PROS1: variants seen among roughly 807,000 people sequenced by gnomAD.
PROS1 encodes protein S.
Under a neutral mutation model 75.9 loss-of-function variants are expected in PROS1, and 29 were observed. The observed-to-expected ratio is 0.38, with a 90% CI of 0.28 to 0.52. The LOEUF (loss-of-function observed/expected upper bound fraction) is 0.52. PROS1 is among the 20% of genes least tolerant of loss of function. The probability of loss-of-function intolerance (pLI) is 0.83; values close to 1 mark genes in which losing one functional copy is unlikely to be tolerated. For missense variants in PROS1, 680 were observed against 810.3 expected, an observed-to-expected ratio of 0.84 and a Z score of 1.95; for synonymous variants, 245 against 280.6, an observed-to-expected ratio of 0.87 and a Z score of 1.27.
In PROS1 at chr3:93,874,265, T is replaced by G. The variant is rs780019458; in HGVS notation, c.2011A>C (p.Lys671Gln). ...IRAHSCPSVW[K>Q]KTKNS The stretch of plus-strand genomic sequence containing the variant: ...ATGCCTTAAGAATTCTTTGTCTTTT[T>G]CCAAACTGATGGACATGAGTGAGCT... Residue 671 changes from lysine (K) to glutamine (Q), a missense_variant, in exon 15 of 15, where the codon AAA (lysine) becomes CAA (glutamine). Transcript: ENST00000394236. The G allele has an allele frequency of 4.3e-6, 7 of 1,613,452 alleles. No individual in the cohort carries two copies. The highest frequency in any genetic ancestry group is 1.7e-4 in the Middle Eastern group (1 of 6,050).
At chr3:93,907,557 C>A (rs1046644327) in intron 4 of PROS1, among the ~76,000 whole-genome samples, 32 of 152,328 alleles carry the variant, frequency 2.1e-4, no homozygotes, top group African/African-American at 7.2e-4. Context: ...CAGAGATGAG[C>A]TACCCACTGA....
chr3:93,908,298 G>A (rs1323774454), intron 4 of PROS1, among the ~76,000 whole-genome samples: 1 of 152,136 alleles, frequency 6.6e-6, no homozygotes, highest in Non-Finnish European at 1.5e-5. Flanking sequence ...TAATTCCTAA[G>A]GAAAAGAAAA....
chr3:93,918,493 C>G (rs1334314859), intron 3 of PROS1, among the ~76,000 whole-genome samples: 1 of 152,000 alleles, frequency 6.6e-6, no homozygotes, highest in Non-Finnish European at 1.5e-5. Context: ...CACGAAGGTC[C>G]GAAGCTTCAC....
Position 93,925,003 on chromosome 3 carries a change from C to T in PROS1, c.235-739G>A, listed in dbSNP as rs368942273. Reference sequence around the variant, plus strand: ...ATACTTTGAAGTGAATTAAAGTAGACATTTATCTTATACATCTTATGTACA... The same window carrying T: ...ATACTTTGAAGTGAATTAAAGTAGATATTTATCTTATACATCTTATGTACA... On this transcript the variant is annotated intron_variant, in intron 2 of 14. Coordinates refer to ENST00000394236, the MANE Select transcript of PROS1 (RefSeq NM_000313.4). Among the ~76,000 whole-genome samples the T allele has an allele frequency of 6.6e-5, 10 of 152,214 alleles. No homozygotes were observed. The East Asian group carries it at 1.7e-3, about 26-fold the overall frequency.
intron 1 of PROS1, among the ~76,000 whole-genome samples, chr3:93,938,693 C>T (rs1376456574): frequency 6.6e-6 from 1 of 152,086 alleles, no homozygotes; most frequent in Non-Finnish European, 1.5e-5. Flanking sequence ...TTTTTTTCCT[C>T]TCTAGTAGAG....
At chr3:93,883,807 G>A (rs553968731) in intron 12 of PROS1, among the ~76,000 whole-genome samples, 23 of 151,778 alleles carry the variant, frequency 1.5e-4, no homozygotes, top group East Asian at 7.8e-4. Flanking sequence ...AAAATTAGCC[G>A]GGCGTGGTGG....
intron 3 of PROS1, among the ~76,000 whole-genome samples, chr3:93,917,077 T>C (rs569502573): frequency 6.6e-6 from 1 of 152,318 alleles, no homozygotes; most frequent in Non-Finnish European, 1.5e-5. Context: ...TGTTTGCTTG[T>C]TTTGACTGGA....
intron 6 of PROS1, among the ~76,000 whole-genome samples, chr3:93,903,262 T>C (rs1164489881): frequency 5.3e-5 from 8 of 152,332 alleles, no homozygotes; most frequent in South Asian, 2.1e-4. Context: ...AGAACAGATG[T>C]GGTCATCAGG....
intron 3 of PROS1, among the ~76,000 whole-genome samples, chr3:93,917,687 G>C (rs377612903): frequency 6.6e-6 from 1 of 152,124 alleles, no homozygotes; most frequent in Non-Finnish European, 1.5e-5. Context: ...CGGAGCAGCC[G>C]GCCGGCCCTG....
intron 4 of PROS1, among the ~76,000 whole-genome samples, chr3:93,910,123 C>A (rs866303529): frequency 1.3e-5 from 2 of 152,028 alleles, no homozygotes; most frequent in Non-Finnish European, 1.5e-5. Context: ...ACTAATTTAC[C>A]AATTTACCAA....
intron 3 of PROS1, among the ~76,000 whole-genome samples, chr3:93,918,294 C>A (rs1207124317): frequency 3.3e-5 from 5 of 152,030 alleles, no homozygotes; most frequent in African/African-American, 4.8e-5. Flanking sequence ...ACAGACCACT[C>A]GCTCTATCAA....
Position 93,879,243 on chromosome 3 carries a change from C to T in PROS1, c.1564G>A (p.Val522Ile), listed in dbSNP as rs758927346. 7 of 1,614,024 alleles carry T rather than the reference C, an allele frequency of 4.3e-6. No individual in the cohort carries two copies. Among genetic ancestry groups the T allele is most frequent in the Middle Eastern group, 3.3e-4 (2 of 6,084 alleles). Residue 522 changes from valine (V) to isoleucine (I), a missense_variant, in exon 13 of 15, where the codon GTT becomes ATT. By Grantham distance (29) the Val-to-Ile change is conservative. Transcript: ENST00000394236. ...LNIRPSTGTGVMLALVSGNNT... is the reference protein window; with the variant it reads ...LNIRPSTGTGIMLALVSGNNT... ...TTACCAGAAACCAAGGCAAGCATAA[C>T]ACCAGTGCCCGTGGATGGACGAATA...
chr3:93,884,950 C>G, intron 11 of PROS1, 54 bp from the exon 12 acceptor site: 1 of 1,440,496 alleles, frequency 6.9e-7, no homozygotes, highest in South Asian at 1.2e-5. Flanking sequence ...AACAGTGGCT[C>G]GATTATGAGT....
chr3:93,957,103 A>G (rs1476645921), intron 1 of PROS1, among the ~76,000 whole-genome samples: 1 of 152,198 alleles, frequency 6.6e-6, no homozygotes, highest in Non-Finnish European at 1.5e-5. Context: ...GTCCGAAAAT[A>G]TAGTTTTGGT....
chr3:93,908,152 A>T (rs1322738029), intron 4 of PROS1, among the ~76,000 whole-genome samples: 1 of 152,192 alleles, frequency 6.6e-6, no homozygotes, highest in African/African-American at 2.4e-5. Context: ...AGAAAAAGAA[A>T]TTAAAATTTT....
chr3:93,920,187 C>A (rs922484457), intron 3 of PROS1, among the ~76,000 whole-genome samples: 18 of 151,984 alleles, frequency 1.2e-4, no homozygotes, highest in Non-Finnish European at 1.2e-4. Context: ...TGCTTGAGCC[C>A]AGGAGTTTGA....
chr3:93,914,391 C>T (rs763335924), intron 3 of PROS1, among the ~76,000 whole-genome samples: 4 of 152,240 alleles, frequency 2.6e-5, no homozygotes, highest in Admixed American at 1.3e-4. Flanking sequence ...GCCACCAAGG[C>T]TTATGAGGTA....
chr3:93,963,633 G>C (rs1162247684), intron 1 of PROS1, among the ~76,000 whole-genome samples: 1 of 152,186 alleles, frequency 6.6e-6, no homozygotes, highest in Non-Finnish European at 1.5e-5. Flanking sequence ...GCCTCAGGAA[G>C]CTTCCAATCA....
chr3:93,889,405 C>A, intron 10 of PROS1, among the ~76,000 whole-genome samples: 1 of 152,028 alleles, frequency 6.6e-6, no homozygotes, highest in Non-Finnish European at 1.5e-5. Context: ...AATTATGATA[C>A]ATTTACAATT....
Sources: gnomAD v4.1 joint callset for allele counts (sites outside exome capture counted in the v4.1 genomes callset) on GRCh38, gnomAD v4.1.1 for gene constraint, MANE v1.5 for transcripts, NCBI Gene and HGNC (gene_info 2026-07-23, HGNC 2026-07-21) for gene names.